The following NALF1 variants were observed in gnomAD, a reference collection of about 807,000 sequenced individuals.
NALF1 encodes the protein NALCN channel auxiliary factor 1.
A neutral mutation model predicts 48.4 loss-of-function variants in NALF1; 3 were observed. That is an observed-to-expected ratio of 0.06 (90% CI 0.03 to 0.16). NALF1 has a LOEUF of 0.16. NALF1 is among the 10% of genes least tolerant of loss of function. NALF1 has a pLI of 1.00. For missense variants in NALF1, 526 were observed against 571.5 expected (o/e 0.92, Z 0.81); for synonymous variants, 262 against 245.7 (o/e 1.07, Z -0.62).
chr13:107,635,620 C>T (rs143701839), intron 1 of NALF1, among the ~76,000 whole-genome samples: 10 of 152,288 alleles, frequency 6.6e-5, no homozygotes, highest in African/African-American at 2.4e-4. Flanking sequence ...GGACAATTCT[C>T]TTAGCCTTTC....
intron 2 of NALF1, among the ~76,000 whole-genome samples, chr13:107,199,323 T>C (rs1879460106): frequency 6.6e-6 from 1 of 152,124 alleles, no homozygotes; most frequent in South Asian, 2.1e-4. Flanking sequence ...ATCTCAGATG[T>C]CTAGTCTTCA....
chr13:107,326,732 A>G (rs1257326205), intron 1 of NALF1, among the ~76,000 whole-genome samples: 2 of 152,206 alleles, frequency 1.3e-5, no homozygotes, highest in African/African-American at 4.8e-5. Flanking sequence ...AATATAAGAA[A>G]CCAGCAAGCA....
At chr13:107,253,459 C>T (rs1331190578) in intron 1 of NALF1, among the ~76,000 whole-genome samples, 1 of 152,166 alleles carries the variant, frequency 6.6e-6, no homozygotes, top group Non-Finnish European at 1.5e-5. Flanking sequence ...CAGCAGAAGG[C>T]CACCTTGCTC....
intron 1 of NALF1, among the ~76,000 whole-genome samples, chr13:107,771,956 C>T (rs1468365039): frequency 1.3e-5 from 2 of 152,062 alleles, no homozygotes; most frequent in Non-Finnish European, 2.9e-5. Context: ...AGGATGGTAT[C>T]GATCTCCTGA....
At chr13:107,599,944 C>G (rs529263112) in intron 1 of NALF1, among the ~76,000 whole-genome samples, 56 of 152,142 alleles carry the variant, frequency 3.7e-4, no homozygotes, top group African/African-American at 1.2e-3. Context: ...GATCATTTCC[C>G]CACTATATGG....
intron 2 of NALF1, among the ~76,000 whole-genome samples, chr13:107,175,409 T>A (rs1300226441): frequency 6.6e-6 from 1 of 152,162 alleles, no homozygotes; most frequent in African/African-American, 2.4e-5. Flanking sequence ...TCCTCTCTGC[T>A]ACTTCATATT....
At chr13:107,540,049 T>TACAC (rs143201791) in intron 1 of NALF1, among the ~76,000 whole-genome samples, 54 of 149,514 alleles carry the variant, frequency 3.6e-4, no homozygotes, top group Admixed American at 8.7e-4. Context: ...GCTTCTGATG[T>TACAC]ACACACACAC....
intron 1 of NALF1, among the ~76,000 whole-genome samples, chr13:107,569,969 T>A (rs1877938103): frequency 6.6e-6 from 1 of 152,068 alleles, no homozygotes; most frequent in Non-Finnish European, 1.5e-5. Flanking sequence ...GACATTGTAT[T>A]TTTTTTAAAA....
intron 1 of NALF1, among the ~76,000 whole-genome samples, chr13:107,565,339 C>A (rs1250005904): frequency 1.4e-5 from 2 of 142,612 alleles, no homozygotes; most frequent in Non-Finnish European, 3.0e-5. Flanking sequence ...GAGCTGCCAT[C>A]GTGCCACTGC....
chr13:107,264,169 C>A (rs1270755018), intron 1 of NALF1, among the ~76,000 whole-genome samples: 1 of 152,168 alleles, frequency 6.6e-6, no homozygotes, highest in Non-Finnish European at 1.5e-5. Context: ...ATTATGACTT[C>A]ATAGAATCTT....
chr13:107,658,050 G>A (rs754187315), intron 1 of NALF1, among the ~76,000 whole-genome samples: 16 of 151,996 alleles, frequency 1.1e-4, no homozygotes, highest in Non-Finnish European at 2.1e-4. Flanking sequence ...TGGTTCCCAG[G>A]GACCCTTTAA....
chr13:107,550,063 TAAGTAA>T (rs566424023), intron 1 of NALF1, among the ~76,000 whole-genome samples: 4 of 152,270 alleles, frequency 2.6e-5, no homozygotes, highest in African/African-American at 9.6e-5. Flanking sequence ...CATAATCGCT[TAAGTAA>T]AATGACCACT....
intron 1 of NALF1, among the ~76,000 whole-genome samples, chr13:107,589,492 T>C (rs1342976064): frequency 6.6e-6 from 1 of 152,048 alleles, no homozygotes; most frequent in African/African-American, 2.4e-5. Context: ...AACTTCATTT[T>C]AGGAATTCTT....
At chr13:107,854,046 G>A (rs1880381307) in intron 1 of NALF1, among the ~76,000 whole-genome samples, 1 of 152,156 alleles carries the variant, frequency 6.6e-6, no homozygotes, top group African/African-American at 2.4e-5. Flanking sequence ...TGTCAATGAA[G>A]CAAAACTATG....
intron 1 of NALF1, among the ~76,000 whole-genome samples, chr13:107,716,435 A>T (rs910149559): frequency 6.6e-6 from 1 of 152,190 alleles, no homozygotes; most frequent in African/African-American, 2.4e-5. Flanking sequence ...GGACCGCCTG[A>T]TTAGCTTTCC....
At chr13:107,300,687 T>C (rs978323335) in intron 1 of NALF1, among the ~76,000 whole-genome samples, 7 of 152,172 alleles carry the variant, frequency 4.6e-5, no homozygotes, top group African/African-American at 1.7e-4. Context: ...TATTGATGGG[T>C]CATGGAATGA....
At chr13:107,249,390 T>A (rs1470182322) in intron 1 of NALF1, among the ~76,000 whole-genome samples, 14 of 152,218 alleles carry the variant, frequency 9.2e-5, no homozygotes, top group Non-Finnish European at 1.8e-4. Context: ...AAAACTTACA[T>A]CTCAAATGGT....
intron 1 of NALF1, among the ~76,000 whole-genome samples, chr13:107,508,227 T>C (rs368594895): frequency 2.0e-4 from 30 of 152,224 alleles, no homozygotes; most frequent in Admixed American, 1.3e-3. Flanking sequence ...CTTTATCTTA[T>C]CTTGTATAAG....
intron 1 of NALF1, among the ~76,000 whole-genome samples, chr13:107,256,619 A>G (rs898039310): frequency 1.3e-5 from 2 of 152,204 alleles, no homozygotes; most frequent in Non-Finnish European, 2.9e-5. Context: ...GTTTTAATAC[A>G]TATCTTCAAT....
Sources: gnomAD v4.1 joint callset for allele counts (sites outside exome capture counted in the v4.1 genomes callset) on GRCh38, gnomAD v4.1.1 for gene constraint, MANE v1.5 for transcripts, NCBI Gene and HGNC (gene_info 2026-07-23, HGNC 2026-07-21) for gene names.